Variants in NAA16 observed in about 807,000 individuals in gnomAD.
NAA16 encodes the protein N-alpha-acetyltransferase 16, NatA auxiliary subunit.
Under a neutral mutation model 110.3 loss-of-function variants are expected in NAA16, and 97 were observed. That is an observed-to-expected ratio of 0.88 (90% CI 0.75 to 1.04). NAA16 has a LOEUF of 1.04. NAA16 is among the 50% of genes least tolerant of loss of function. The probability of loss-of-function intolerance (pLI) is 0.00; values close to 1 mark genes in which losing one functional copy is unlikely to be tolerated. For missense variants in NAA16, 1,017 were observed against 1,005.1 expected (o/e 1.01, Z -0.16); for synonymous variants, 372 against 330.6 (o/e 1.13, Z -1.36).
rs796378964 is a variant in NAA16, at chr13:41,324,681, G to GT, written c.538-1006dup. Among the ~76,000 whole-genome samples, 812 of 143,836 alleles carry GT rather than the reference G, an allele frequency of 5.6e-3. 7 individuals carry two copies. Among genetic ancestry groups the GT allele is most frequent in the African/African-American group, 0.016 (636 of 39,646 alleles). The allele number at this position is 143,836 out of a possible 152,430, so 94.4% of individuals were successfully genotyped here. On this transcript the variant is annotated intron_variant, in intron 5 of 19. Transcript: ENST00000379406. The stretch of plus-strand genomic sequence containing the variant: ...GAGCCACCGTGCCCGGCCAATTTCT[G>GT]TTTTTTTTTTTCCTTTACTTTTTTT...
intron 10 of NAA16, 31 bp downstream of exon 10, chr13:41,355,247 G>T: frequency 1.5e-6 from 2 of 1,303,860 alleles, no homozygotes; most frequent in South Asian, 2.6e-5. Flanking sequence ...ATTGGAATTT[G>T]ATTACTCATT....
At chr13:41,362,213 G>T in intron 13 of NAA16, 54 bp downstream of exon 13, 1 of 1,538,950 alleles carries the variant, frequency 6.5e-7, no homozygotes, top group Admixed American at 2.2e-5. Flanking sequence ...TAAAAAGCAG[G>T]TAGATTTCTA....
rs756668197 is a variant in NAA16 at position 41,325,771 on chromosome 13, A to T, written c.611A>T (p.Asp204Val). 1 of 1,606,046 alleles carries T rather than the reference A, an allele frequency of 6.2e-7. No individual in the cohort carries two copies. Among genetic ancestry groups the T allele is most frequent in the East Asian group, 2.2e-5 (1 of 44,670 alleles). Residue 204 changes from aspartate to valine, a missense_variant, in exon 6 of 20, where the codon GAT (aspartate) becomes GTT (valine). Coordinates refer to ENST00000379406, the MANE Select transcript of NAA16 (RefSeq NM_024561.5). ...LYQNQVMREADLLQESLEHIE... is the reference protein window; with the variant it reads ...LYQNQVMREAVLLQESLEHIE... The stretch of plus-strand genomic sequence containing the variant: ...CAGAATCAAGTGATGAGAGAGGCAG[A>T]TCTGTTGCAGGAATCTTTGGAACAT...
intron 9 of NAA16, among the ~76,000 whole-genome samples, chr13:41,338,926 A>G (rs1322867669): frequency 6.6e-6 from 1 of 152,166 alleles, no homozygotes; most frequent in East Asian, 1.9e-4. Flanking sequence ...AAGCAGCAGT[A>G]AGACCTGTTT....
intron 9 of NAA16, among the ~76,000 whole-genome samples, chr13:41,349,916 G>A (rs2042782168): frequency 6.6e-6 from 1 of 150,616 alleles, no homozygotes. Context: ...AGCTGAGATC[G>A]CACCATTGCA....
At chr13:41,333,743 C>T (rs748274261) in intron 8 of NAA16, among the ~76,000 whole-genome samples, 6 of 152,016 alleles carry the variant, frequency 3.9e-5, no homozygotes, top group Non-Finnish European at 8.8e-5. Context: ...CAGGTTTATA[C>T]TGCCTAAATT....
chr13:41,319,838 G>A (rs570511103), intron 3 of NAA16, among the ~76,000 whole-genome samples: 36 of 152,092 alleles, frequency 2.4e-4, no homozygotes, highest in Admixed American at 5.2e-4. Context: ...TTTTTTTAAA[G>A]GGTGGAGCAT....
At chr13:41,357,371 T>G (rs4942041) in intron 10 of NAA16, among the ~76,000 whole-genome samples, 1 of 152,208 alleles carries the variant, frequency 6.6e-6, no homozygotes, top group Non-Finnish European at 1.5e-5. Flanking sequence ...CCTTGTTGAT[T>G]CTAATAATTT....
intron 3 of NAA16, among the ~76,000 whole-genome samples, chr13:41,319,368 C>T (rs1242006993): frequency 2.0e-5 from 3 of 152,084 alleles, no homozygotes; most frequent in Admixed American, 6.5e-5. Context: ...AAAACTTAAA[C>T]TTATTTTAAA....
At chr13:41,348,835 T>C (rs930076778) in intron 9 of NAA16, among the ~76,000 whole-genome samples, 16 of 152,192 alleles carry the variant, frequency 1.1e-4, no homozygotes, top group African/African-American at 3.4e-4. Flanking sequence ...TCATTACTGG[T>C]TTATTCAGAT....
At chr13:41,316,070 T>G (rs551156335) in intron 1 of NAA16, among the ~76,000 whole-genome samples, 23 of 152,276 alleles carry the variant, frequency 1.5e-4, no homozygotes, top group Non-Finnish European at 3.1e-4. Context: ...TTCTGTGTAC[T>G]AGGAAAGGGA....
chr13:41,317,964 G>A (rs1049299566), intron 2 of NAA16, among the ~76,000 whole-genome samples: 1 of 152,166 alleles, frequency 6.6e-6, no homozygotes, highest in African/African-American at 2.4e-5. Flanking sequence ...AATGTGAACT[G>A]ATGTTAATTA....
chr13:41,320,848 A>G (rs771490970), intron 4 of NAA16, 24 bp downstream of exon 4: 35 of 1,559,920 alleles, frequency 2.2e-5, no homozygotes, highest in Non-Finnish European at 2.9e-5. Flanking sequence ...TCTTAAATGT[A>G]CATGATTTTA....
intron 9 of NAA16, among the ~76,000 whole-genome samples, chr13:41,352,735 G>GT (rs2042871058): frequency 1.3e-5 from 2 of 151,996 alleles, no homozygotes; most frequent in Non-Finnish European, 2.9e-5. Flanking sequence ...CCCCTTTGTT[G>GT]TTTTTTTAAA....
At chr13:41,315,487 T>C (rs1306997987) in intron 1 of NAA16, among the ~76,000 whole-genome samples, 1 of 152,184 alleles carries the variant, frequency 6.6e-6, no homozygotes, top group East Asian at 1.9e-4. Context: ...TGGAGTAAGA[T>C]CAGAGTTTGC....
chr13:41,362,022 C>T lies in NAA16; in HGVS notation c.1411-9C>T, dbSNP rs2043121597. On this transcript the variant is annotated splice_polypyrimidine_tract_variant and intron_variant, in intron 12 of 19. Transcript: ENST00000379406. ...TTGCTCTCTATAGTTTTGAATGCTTCCATTTCAGGAAGGAACATCTGCCAT... is the reference window on the plus strand; with the variant it reads ...TTGCTCTCTATAGTTTTGAATGCTTTCATTTCAGGAAGGAACATCTGCCAT... 6.2e-7 allele frequency: 1 copy of T among 1,609,516 alleles called. No individual in the cohort carries two copies. Among genetic ancestry groups the T allele is most frequent in the East Asian group, 2.2e-5 (1 of 44,620 alleles).
chr13:41,311,491 G>T lies in NAA16; in HGVS notation c.-38G>T, dbSNP rs766466644. The T allele has an allele frequency of 1.9e-6, 3 of 1,569,042 alleles. No homozygotes were observed. In the East Asian group the frequency reaches 7.1e-5, roughly 37 times the overall value. On this transcript the variant is annotated 5_prime_UTR_variant, in exon 1 of 20. Transcript: ENST00000379406. ...GCGAAGCGGAGCGCCCGGGCACCTAGCCTCCCTGCCGGCCACCTAGCCTCC... is the reference window on the plus strand; with the variant it reads ...GCGAAGCGGAGCGCCCGGGCACCTATCCTCCCTGCCGGCCACCTAGCCTCC...
At chr13:41,316,305 A>AT (rs993030515) in intron 1 of NAA16, among the ~76,000 whole-genome samples, 12,299 of 103,884 alleles carry the variant, frequency 0.12, 700 homozygotes, top group East Asian at 0.25. Flanking sequence ...AATTTTTGTA[A>AT]TTTTTTTTTT....
Position 41,336,511 on chromosome 13 carries a change from C to T in NAA16, c.908-139C>T, listed in dbSNP as rs1418996981. The T allele has an allele frequency of 5.4e-6, 3 of 556,074 alleles. No homozygotes were observed. The East Asian group carries it at 9.2e-5, about 17-fold the overall frequency. The allele number at this position is 556,074 out of a possible 1,614,324, so 34.4% of individuals were successfully genotyped here. On this transcript the variant is annotated intron_variant, in intron 8 of 19. Transcript: ENST00000379406. ...CAGAATGGATAGTTGATAACTTTTA[C>T]TTAAAACTATGACTTTTTGGGTTTA...
Sources: gnomAD v4.1 joint callset for allele counts (sites outside exome capture counted in the v4.1 genomes callset) on GRCh38, gnomAD v4.1.1 for gene constraint, MANE v1.5 for transcripts, NCBI Gene and HGNC (gene_info 2026-07-23, HGNC 2026-07-21) for gene names.